ARHGAP10: variants seen among roughly 807,000 people sequenced by gnomAD.
ARHGAP10 encodes Rho GTPase activating protein 10.
In ARHGAP10, 87 loss-of-function variants were observed where a neutral mutation model predicts 108.6. The observed-to-expected ratio is 0.80, with a 90% CI of 0.67 to 0.96. The LOEUF (loss-of-function observed/expected upper bound fraction) is 0.96, where lower values mean the gene tolerates loss of function less well. Among genes scored for constraint, ARHGAP10 ranks in the 40% least tolerant of loss-of-function variants. The pLI is 0.00. For synonymous variants in ARHGAP10, 347 were observed against 341.1 expected (o/e 1.02, Z -0.19); for missense variants, 939 against 954.5 (o/e 0.98, Z 0.21).
intron 7 of ARHGAP10, among the ~76,000 whole-genome samples, chr4:147,868,666 A>G (rs1005431657): frequency 6.6e-6 from 1 of 152,218 alleles, no homozygotes; most frequent in Non-Finnish European, 1.5e-5. Flanking sequence ...AGACAATTCT[A>G]TAGATGCAGT....
chr4:148,058,961 C>G (rs1471174762), intron 20 of ARHGAP10, among the ~76,000 whole-genome samples: 1 of 152,210 alleles, frequency 6.6e-6, no homozygotes, highest in Non-Finnish European at 1.5e-5. Flanking sequence ...CCACCCACCC[C>G]ACCTAAACAC....
At chr4:147,791,173 G>A (rs955174655) in intron 1 of ARHGAP10, among the ~76,000 whole-genome samples, 8 of 149,476 alleles carry the variant, frequency 5.4e-5, no homozygotes, top group Admixed American at 4.7e-4. Context: ...GTGCAGTGGT[G>A]CGATCTCAGC....
intron 13 of ARHGAP10, among the ~76,000 whole-genome samples, chr4:147,918,677 C>T (rs933175871): frequency 3.9e-5 from 6 of 152,186 alleles, no homozygotes; most frequent in Non-Finnish European, 8.8e-5. Context: ...AGACCTATCA[C>T]GGCAGCTGTG....
chr4:147,839,878 G>A (rs1052447279), intron 3 of ARHGAP10, among the ~76,000 whole-genome samples: 1 of 152,224 alleles, frequency 6.6e-6, no homozygotes, highest in Non-Finnish European at 1.5e-5. Flanking sequence ...TCAGACTTGA[G>A]TAATTGTGGG....
At chr4:148,027,461 A>C (rs1727921808) in intron 19 of ARHGAP10, among the ~76,000 whole-genome samples, 1 of 152,238 alleles carries the variant, frequency 6.6e-6, no homozygotes, top group African/African-American at 2.4e-5. Context: ...GTGTTATTGT[A>C]GTCCTACAGC....
At chr4:147,906,569 T>G in intron 10 of ARHGAP10, 69 bp from the exon 11 acceptor site, 1 of 1,519,670 alleles carries the variant, frequency 6.6e-7, no homozygotes, top group Non-Finnish European at 9.1e-7. Context: ...GTTACAACAG[T>G]TAAATCTTAG....
At chr4:148,036,373 TCTTGA>T (rs1728378355) in intron 19 of ARHGAP10, among the ~76,000 whole-genome samples, 1 of 152,180 alleles carries the variant, frequency 6.6e-6, no homozygotes, top group Non-Finnish European at 1.5e-5. Context: ...CCAGATCTCA[TCTTGA>T]ATTGTAGTTC....
intron 18 of ARHGAP10, among the ~76,000 whole-genome samples, chr4:147,993,455 T>C (rs1360799621): frequency 6.6e-6 from 1 of 152,240 alleles, no homozygotes; most frequent in African/African-American, 2.4e-5. Context: ...GCTAGCATCC[T>C]TGTATACAAT....
At chr4:147,929,714 G>A (rs1053091728) in intron 13 of ARHGAP10, among the ~76,000 whole-genome samples, 11 of 151,980 alleles carry the variant, frequency 7.2e-5, no homozygotes, top group African/African-American at 2.7e-4. Flanking sequence ...TTCCTCACAA[G>A]TTTTTCTAAT....
At chr4:147,961,498 C>A (rs1738994433) in intron 16 of ARHGAP10, among the ~76,000 whole-genome samples, 1 of 152,064 alleles carries the variant, frequency 6.6e-6, no homozygotes, top group African/African-American at 2.4e-5. Context: ...GTCATTTTCT[C>A]TGTGTTGTCC....
chr4:147,851,421 C>T (rs540998099), intron 4 of ARHGAP10, among the ~76,000 whole-genome samples: 1 of 152,232 alleles, frequency 6.6e-6, no homozygotes, highest in South Asian at 2.1e-4. Flanking sequence ...CTGTGTTGCC[C>T]AGGCTGGTCT....
chr4:147,826,508 C>G (rs917835116), intron 3 of ARHGAP10, among the ~76,000 whole-genome samples: 1 of 152,150 alleles, frequency 6.6e-6, no homozygotes, highest in African/African-American at 2.4e-5. Flanking sequence ...CTGTCCAAAG[C>G]TGGGGTGGGT....
intron 1 of ARHGAP10, among the ~76,000 whole-genome samples, chr4:147,795,014 A>T (rs1314956727): frequency 6.6e-6 from 1 of 152,212 alleles, no homozygotes; most frequent in African/African-American, 2.4e-5. Context: ...ATAGTGTGGC[A>T]GCTAGTGAAA....
At chr4:148,026,805 C>T (rs1004239898) in intron 19 of ARHGAP10, among the ~76,000 whole-genome samples, 27 of 152,132 alleles carry the variant, frequency 1.8e-4, no homozygotes, top group African/African-American at 6.0e-4. Context: ...CAAAATATGA[C>T]GTAGGCTGCT....
At chr4:148,041,337 AG>A (rs1578817604) in intron 19 of ARHGAP10, among the ~76,000 whole-genome samples, 1 of 152,326 alleles carries the variant, frequency 6.6e-6, no homozygotes, top group East Asian at 1.9e-4. Context: ...AAGGGATTTC[AG>A]GGGGGAACTA....
chr4:147,732,442 C>A lies in ARHGAP10; in HGVS notation c.141C>A (p.Ile47=). ...KELIKDGKNL[I]AATKSLSVAQ... ...TCATTAAGGACGGGAAGAACCTCAT[C>A]GCTGCGACGAAAAGTAAGCGGGGAC... Residue 47 remains isoleucine, a synonymous_variant, in exon 1 of 23, where the codon ATC becomes ATA. Coordinates refer to ENST00000336498, the MANE Select transcript of ARHGAP10 (RefSeq NM_024605.4). 1 of 1,612,078 alleles carries A rather than the reference C, an allele frequency of 6.2e-7. No individual in the cohort carries two copies. The highest frequency in any genetic ancestry group is 8.5e-7 in the Non-Finnish European group (1 of 1,179,056).
intron 1 of ARHGAP10, among the ~76,000 whole-genome samples, chr4:147,803,348 G>A (rs1579064769): frequency 1.3e-5 from 2 of 152,164 alleles, no homozygotes; most frequent in Admixed American, 1.3e-4. Context: ...AACTGTACAT[G>A]TTTATGGGAT....
At chr4:147,822,441 A>C (rs566409216) in intron 1 of ARHGAP10, among the ~76,000 whole-genome samples, 35 of 152,232 alleles carry the variant, frequency 2.3e-4, no homozygotes, top group East Asian at 1.5e-3. Flanking sequence ...AGAATACTTT[A>C]GGGAACAATG....
rs866100816 is a variant in ARHGAP10, at chr4:147,955,456, A to G, written c.1450+82A>G. 110 of 1,224,578 alleles carry G rather than the reference A, an allele frequency of 9.0e-5. No individual in the cohort carries two copies. In the African/African-American group the frequency reaches 1.6e-3, roughly 17 times the overall value. The allele number at this position is 1,224,578 out of a possible 1,614,324, so 75.9% of individuals were successfully genotyped here. On this transcript the variant is annotated intron_variant, in intron 16 of 22. Coordinates refer to ENST00000336498, the MANE Select transcript of ARHGAP10 (RefSeq NM_024605.4). ...CGAAAAATTTCCATATGAAAAATTC[A>G]ACTTGTTATTGCAGTTTGTGTTAAA...
Sources: gnomAD v4.1 joint callset for allele counts (sites outside exome capture counted in the v4.1 genomes callset) on GRCh38, gnomAD v4.1.1 for gene constraint, MANE v1.5 for transcripts, NCBI Gene and HGNC (gene_info 2026-07-23, HGNC 2026-07-21) for gene names.